Variants in PGD observed in about 807,000 individuals in gnomAD.
The protein encoded by PGD is 6-phosphogluconate dehydrogenase, decarboxylating.
A neutral mutation model predicts 60.4 loss-of-function variants in PGD; 21 were observed. That is an observed-to-expected ratio of 0.35 (90% CI 0.25 to 0.50). The LOEUF is 0.50. PGD is among the 20% of genes least tolerant of loss of function. PGD has a pLI of 0.98. For synonymous variants in PGD, 230 were observed against 235.9 expected, an observed-to-expected ratio of 0.97 and a Z score of 0.23; for missense variants, 477 against 613.1, an observed-to-expected ratio of 0.78 and a Z score of 2.34.
intron 10 of PGD, among the ~76,000 whole-genome samples, chr1:10,418,087 G>A (rs1015392057): frequency 2.2e-4 from 33 of 151,700 alleles, no homozygotes; most frequent in Admixed American, 6.6e-4. Context: ...TGCCTCTTGG[G>A]AATTTTGCTC....
At chr1:10,402,812 C>T (rs919038436) in intron 3 of PGD, among the ~76,000 whole-genome samples, 15 of 151,912 alleles carry the variant, frequency 9.9e-5, no homozygotes, top group Admixed American at 6.6e-4. Context: ...CGTGAGCCAC[C>T]GCGCCTGGCC....
rs61775979 is a variant in PGD, at chr1:10,399,809, T to C, written c.84+105T>C. 2,042 of 953,038 alleles carry C rather than the reference T, an allele frequency of 2.1e-3. 26 individuals are homozygous for C. In the African/African-American group the frequency reaches 0.027, roughly 13 times the overall value. The allele number at this position is 953,038 out of a possible 1,614,324, so 59.0% of individuals were successfully genotyped here. A position where few individuals can be genotyped will look rare whatever the true frequency, so the allele number is the denominator to read the frequency against. Reference sequence around the variant, plus strand: ...GGGTCTCCTGGCCGTGCTTTGCTAATGTGCTCTGTTGCTGCTCGTGGCATT... The same window carrying C: ...GGGTCTCCTGGCCGTGCTTTGCTAACGTGCTCTGTTGCTGCTCGTGGCATT... On this transcript the variant is annotated intron_variant, in intron 2 of 12. Transcript: ENST00000270776.
chr1:10,409,680 C>T (rs905590944), intron 6 of PGD, among the ~76,000 whole-genome samples: 1 of 48,206 alleles, frequency 2.1e-5, no homozygotes, highest in African/African-American at 9.3e-5. Context: ...TTTTTTGAGA[C>T]AGTCTTGCTT....
chr1:10,414,171 T>C (rs981628810), intron 8 of PGD, among the ~76,000 whole-genome samples: 3 of 152,208 alleles, frequency 2.0e-5, no homozygotes, highest in Non-Finnish European at 4.4e-5. Context: ...GAGTCCTCGT[T>C]GTTTTGCTAA....
At chr1:10,405,506 C>G (rs1639387365) in intron 5 of PGD, among the ~76,000 whole-genome samples, 1 of 149,422 alleles carries the variant, frequency 6.7e-6, no homozygotes, top group South Asian at 2.2e-4. Flanking sequence ...TCCCAAAGTA[C>G]TGGGATTACA....
intron 5 of PGD, among the ~76,000 whole-genome samples, chr1:10,407,331 C>A (rs780961807): frequency 1.3e-5 from 2 of 152,076 alleles, no homozygotes; most frequent in South Asian, 4.2e-4. Context: ...ACACCTGTAG[C>A]CCCACCTACT....
At chr1:10,408,895 G>A (rs570548520) in intron 6 of PGD, among the ~76,000 whole-genome samples, 11 of 152,290 alleles carry the variant, frequency 7.2e-5, no homozygotes, top group South Asian at 6.2e-4. Flanking sequence ...ACAGGCATGC[G>A]CCACCATGCC....
At chr1:10,417,216 G>T in intron 9 of PGD, 99 bp downstream of exon 9, 1 of 1,478,324 alleles carries the variant, frequency 6.8e-7, no homozygotes, top group Non-Finnish European at 9.3e-7. Flanking sequence ...AGGATGGCAG[G>T]TGGAATGAAG....
In PGD at chr1:10,399,069, A is replaced by G. The variant is rs557570666; in HGVS notation, c.-49A>G. On this transcript the variant is annotated 5_prime_UTR_variant, in exon 1 of 13. Coordinates refer to ENST00000270776, the MANE Select transcript of PGD (RefSeq NM_002631.4). ...GGGAGCCGCTGCGGGTCTTTCCCTCACTCGTCCTCCGCGCGTCGCCGCTCT... is the reference window on the plus strand; with the variant it reads ...GGGAGCCGCTGCGGGTCTTTCCCTCGCTCGTCCTCCGCGCGTCGCCGCTCT... 4 of 1,607,592 alleles carry G rather than the reference A, an allele frequency of 2.5e-6. No homozygotes were observed. In the East Asian group the frequency reaches 6.7e-5, roughly 27 times the overall value.
At chr1:10,409,649 CTTTTTTTTTTT>C (rs543426528) in intron 6 of PGD, among the ~76,000 whole-genome samples, 3 of 75,416 alleles carry the variant, frequency 4.0e-5, no homozygotes, top group Admixed American at 3.6e-4. Context: ...GTGGTAGCAA[CTTTTTTTTTTT>C]TTTTTTTTTT....
At chr1:10,411,073 T>C (rs898579135) in intron 6 of PGD, among the ~76,000 whole-genome samples, 3 of 152,092 alleles carry the variant, frequency 2.0e-5, no homozygotes, top group African/African-American at 7.2e-5. Flanking sequence ...AGGACTTTTT[T>C]TCTTGTGGGT....
chr1:10,401,178 G>A lies in PGD; in HGVS notation c.264+606G>A, dbSNP rs190990865. Among the ~76,000 whole-genome samples the A allele has an allele frequency of 1.3e-3, 201 of 152,178 alleles. 1 individual carries two copies. Among genetic ancestry groups the A allele is most frequent in the African/African-American group, 4.5e-3 (188 of 41,520 alleles). On this transcript the variant is annotated intron_variant, in intron 3 of 12. Coordinates refer to ENST00000270776, the MANE Select transcript of PGD (RefSeq NM_002631.4). ...TGAGATTGTGCCACTCCAGTTTGGCGACAGAGCGAGACTCCGTCTCAAAAA... is the reference window on the plus strand; with the variant it reads ...TGAGATTGTGCCACTCCAGTTTGGCAACAGAGCGAGACTCCGTCTCAAAAA...
chr1:10,408,153 CT>C lies in PGD; in HGVS notation c.519+14del. Reference sequence around the variant, plus strand: ...CTGCTGTGACTGGGCAAGTTCTGGGCTACTCTTTAAAGCCAATTGGCAACAT... The same window carrying C: ...CTGCTGTGACTGGGCAAGTTCTGGGCACTCTTTAAAGCCAATTGGCAACAT... On this transcript the variant is annotated intron_variant, in intron 6 of 12. Transcript: ENST00000270776. 1 of 1,526,586 alleles carries C rather than the reference CT, an allele frequency of 6.6e-7. No homozygotes were observed. The highest frequency in any genetic ancestry group is 9.1e-7 in the Non-Finnish European group (1 of 1,099,968). The allele number at this position is 1,526,586 out of a possible 1,614,324, so 94.6% of individuals were successfully genotyped here.
At chr1:10,405,362 T>C (rs1456221277) in intron 5 of PGD, among the ~76,000 whole-genome samples, 2 of 141,192 alleles carry the variant, frequency 1.4e-5, no homozygotes, top group South Asian at 2.2e-4. Flanking sequence ...AGAGTGAGAG[T>C]TTGTTTCAAA....
chr1:10,418,511 T>C (rs1447454473), intron 10 of PGD, among the ~76,000 whole-genome samples: 1 of 152,122 alleles, frequency 6.6e-6, no homozygotes, highest in East Asian at 1.9e-4. Context: ...GCGCGGTGGC[T>C]CACACCTGTA....
intron 4 of PGD, among the ~76,000 whole-genome samples, chr1:10,403,423 C>G (rs12122942): frequency 6.6e-6 from 1 of 151,846 alleles, no homozygotes; most frequent in African/African-American, 2.4e-5. Flanking sequence ...AAACCCGTCT[C>G]TACTAAAAAT....
intron 4 of PGD, among the ~76,000 whole-genome samples, chr1:10,403,361 G>A (rs1189997406): frequency 4.6e-5 from 7 of 152,054 alleles, no homozygotes; most frequent in Non-Finnish European, 2.9e-5. Context: ...GGAGACGGAG[G>A]CAGGTGGACC....
chr1:10,401,811 C>T lies in PGD; in HGVS notation c.264+1239C>T, dbSNP rs1434582552. On this transcript the variant is annotated intron_variant, in intron 3 of 12. Transcript: ENST00000270776. ...TGGGTGGATCATGAGGTCAGGAGATCGAGACCATCCTAGCTAACACGGTGA... is the reference window on the plus strand; with the variant it reads ...TGGGTGGATCATGAGGTCAGGAGATTGAGACCATCCTAGCTAACACGGTGA... Among the ~76,000 whole-genome samples the T allele has an allele frequency of 3.9e-5, 6 of 152,096 alleles. No individual in the cohort carries two copies. The East Asian group carries it at 5.8e-4, about 15-fold the overall frequency.
At chr1:10,404,333 A>T in intron 5 of PGD, 54 bp downstream of exon 5, 6 of 1,160,052 alleles carry the variant, frequency 5.2e-6, no homozygotes, top group Non-Finnish European at 7.4e-6. Flanking sequence ...GGACTTTGAG[A>T]ACGAATAAGC....
Sources: allele counts gnomAD v4.1 joint callset (sites outside exome capture counted in the v4.1 genomes callset), GRCh38; gene constraint gnomAD v4.1.1; transcripts MANE v1.5; gene names NCBI Gene and HGNC (gene_info 2026-07-23, HGNC 2026-07-21).